GPC6: variants seen among roughly 807,000 people sequenced by gnomAD.
GPC6 encodes the protein glypican 6, also known as glypican-6.
A neutral mutation model predicts 55.2 loss-of-function variants in GPC6; 14 were observed. The ratio of observed to expected loss-of-function variants is 0.25; its 90% CI spans 0.17 to 0.40. The LOEUF is 0.40. GPC6 is among the 10% of genes least tolerant of loss of function. The probability of loss-of-function intolerance (pLI) is 1.00; values close to 1 mark genes in which losing one functional copy is unlikely to be tolerated. For synonymous variants in GPC6, 278 were observed against 259.6 expected (o/e 1.07, Z -0.68); for missense variants, 641 against 708.5 (o/e 0.90, Z 1.08).
At chr13:93,775,408 A>G (rs945396073) in intron 2 of GPC6, among the ~76,000 whole-genome samples, 3 of 152,200 alleles carry the variant, frequency 2.0e-5, no homozygotes, top group African/African-American at 7.2e-5. Flanking sequence ...TAGGTTTCGT[A>G]TCTGAGATTT....
At chr13:93,867,650 T>A (rs1889010114) in intron 3 of GPC6, among the ~76,000 whole-genome samples, 1 of 151,774 alleles carries the variant, frequency 6.6e-6, no homozygotes, top group Admixed American at 6.6e-5. Context: ...TATTACAGCC[T>A]TGACCGCTGA....
Position 93,374,541 on chromosome 13 carries a change from C to T in GPC6, c.160+146925C>T, listed in dbSNP as rs1028660637. On this transcript the variant is annotated intron_variant, in intron 1 of 8. Coordinates refer to ENST00000377047, the MANE Select transcript of GPC6 (RefSeq NM_005708.5). ...GTCATGGAAGGAAAAATAAGAAGGGCAGACGGGAGAGAAGACATGGCTTCG... is the reference window on the plus strand; with the variant it reads ...GTCATGGAAGGAAAAATAAGAAGGGTAGACGGGAGAGAAGACATGGCTTCG... Among the ~76,000 whole-genome samples the T allele has an allele frequency of 1.6e-4, 24 of 152,282 alleles. No homozygotes were observed. In the East Asian group the frequency reaches 4.5e-3, roughly 28 times the overall value.
intron 6 of GPC6, among the ~76,000 whole-genome samples, chr13:94,325,567 T>A (rs1877074482): frequency 6.6e-6 from 1 of 152,186 alleles, no homozygotes; most frequent in African/African-American, 2.4e-5. Context: ...TGATTAGGAG[T>A]AAAAGCTATG....
rs1160047517 is a variant in GPC6 at position 93,950,337 on chromosome 13, T to C, written c.712-77392T>C. ...GATAGTAACTGGTGATATTTATATCTAACTTTTAGGAGAAAGGGTACCTAT... is the reference window on the plus strand; with the variant it reads ...GATAGTAACTGGTGATATTTATATCCAACTTTTAGGAGAAAGGGTACCTAT... On this transcript the variant is annotated intron_variant, in intron 3 of 8. Coordinates refer to ENST00000377047, the MANE Select transcript of GPC6 (RefSeq NM_005708.5). 4.6e-5 allele frequency among the ~76,000 whole-genome samples: 7 copies of C among 152,358 alleles called. No individual in the cohort carries two copies. In the East Asian group the frequency reaches 1.3e-3, roughly 29 times the overall value.
intron 4 of GPC6, among the ~76,000 whole-genome samples, chr13:94,112,998 T>C (rs941498720): frequency 6.6e-6 from 1 of 152,152 alleles, no homozygotes; most frequent in African/African-American, 2.4e-5. Context: ...TTTGATTAGA[T>C]ACTTAATTCT....
chr13:93,538,148 A>G (rs1882133720), intron 1 of GPC6, among the ~76,000 whole-genome samples: 1 of 152,138 alleles, frequency 6.6e-6, no homozygotes, highest in African/African-American at 2.4e-5. Flanking sequence ...TGTGGAAAAA[A>G]AAAATGTAGT....
At chr13:93,677,940 T>A (rs1286963139) in intron 2 of GPC6, among the ~76,000 whole-genome samples, 1 of 152,182 alleles carries the variant, frequency 6.6e-6, no homozygotes, top group East Asian at 1.9e-4. Flanking sequence ...TTTTATATAT[T>A]GTAACATAAT....
At chr13:94,223,123 G>A (rs993400318) in intron 4 of GPC6, among the ~76,000 whole-genome samples, 2 of 152,024 alleles carry the variant, frequency 1.3e-5, no homozygotes, top group Admixed American at 6.6e-5. Context: ...TACATAAAGT[G>A]TTTTTTAATA....
At chr13:93,577,820 A>G (rs915108185) in intron 2 of GPC6, among the ~76,000 whole-genome samples, 10 of 152,160 alleles carry the variant, frequency 6.6e-5, no homozygotes, top group African/African-American at 1.9e-4. Flanking sequence ...CAAGTTTTTC[A>G]TGTTCAGTAC....
chr13:93,530,760 A>C (rs907499734), intron 1 of GPC6, among the ~76,000 whole-genome samples: 1 of 152,142 alleles, frequency 6.6e-6, no homozygotes, highest in Non-Finnish European at 1.5e-5. Flanking sequence ...TTTTATTAAT[A>C]GTTATACTCT....
intron 1 of GPC6, among the ~76,000 whole-genome samples, chr13:93,454,973 T>C (rs61964193): frequency 0.44 from 66,266 of 152,180 alleles, 15,658 homozygotes; most frequent in Middle Eastern, 0.61. Flanking sequence ...GAGCGCAGCG[T>C]CGGTGGGTTG....
At chr13:93,545,074 C>A (rs1032280482) in intron 1 of GPC6, among the ~76,000 whole-genome samples, 189 bp from the exon 2 acceptor site, 1 of 152,132 alleles carries the variant, frequency 6.6e-6, no homozygotes, top group South Asian at 2.1e-4. Flanking sequence ...TCGGGTTCAA[C>A]TTAAGTCAAC....
intron 1 of GPC6, among the ~76,000 whole-genome samples, chr13:93,528,984 A>G (rs538713359): frequency 1.3e-5 from 2 of 152,218 alleles, no homozygotes; most frequent in Admixed American, 6.5e-5. Context: ...ACTGTCTATC[A>G]CAGTCCACAT....
intron 1 of GPC6, among the ~76,000 whole-genome samples, chr13:93,245,497 C>CTG (rs1262535701): frequency 6.6e-6 from 1 of 152,160 alleles, no homozygotes; most frequent in Non-Finnish European, 1.5e-5. Context: ...ACACAAATGG[C>CTG]TGGGCTCCAC....
intron 1 of GPC6, among the ~76,000 whole-genome samples, chr13:93,279,671 G>A (rs1877878793): frequency 6.6e-6 from 1 of 152,140 alleles, no homozygotes; most frequent in Non-Finnish European, 1.5e-5. Context: ...ATTTCATGGC[G>A]AGGCAGGGCA....
At chr13:94,158,081 G>C (rs1348270829) in intron 4 of GPC6, among the ~76,000 whole-genome samples, 1 of 152,140 alleles carries the variant, frequency 6.6e-6, no homozygotes. Context: ...ACAGCCATTT[G>C]GCTAATGGTC....
At position 93,632,617 on chromosome 13, in the gene GPC6, G is replaced by GTATA. The variant is rs201000882; in HGVS notation, c.319+87213_319+87216dup. On this transcript the variant is annotated intron_variant, in intron 2 of 8. Transcript: ENST00000377047. ...TATATGTATATGTGTGTATATATAT[G>GTATA]TATATATATATATATATATAATAAA... is the stretch of plus-strand genomic sequence containing the variant. Among the ~76,000 whole-genome samples, 508 of 51,816 alleles carry GTATA rather than the reference G, an allele frequency of 9.8e-3. 10 individuals are homozygous for GTATA. Among genetic ancestry groups the GTATA allele is most frequent in the African/African-American group, 0.016 (383 of 24,048 alleles). 34.0% of individuals were successfully genotyped at this position (51,816 alleles called of 152,430 possible).
chr13:93,709,177 T>G (rs962047167), intron 2 of GPC6, among the ~76,000 whole-genome samples: 1 of 151,746 alleles, frequency 6.6e-6, no homozygotes, highest in Non-Finnish European at 1.5e-5. Flanking sequence ...AGAAAGTAGG[T>G]TATAAGGTGG....
At chr13:94,018,296 T>C (rs1482855887) in intron 3 of GPC6, among the ~76,000 whole-genome samples, 3 of 151,988 alleles carry the variant, frequency 2.0e-5, no homozygotes, top group African/African-American at 7.3e-5. Flanking sequence ...ATAATCCTTT[T>C]TTTTTTTTTC....
Sources: allele counts gnomAD v4.1 joint callset (sites outside exome capture counted in the v4.1 genomes callset), GRCh38; gene constraint gnomAD v4.1.1; transcripts MANE v1.5; gene names NCBI Gene and HGNC (gene_info 2026-07-23, HGNC 2026-07-21).